Variants in NRXN1 observed in about 807,000 individuals in gnomAD.
NRXN1 encodes neurexin 1.
In NRXN1, 39 loss-of-function variants were observed where a neutral mutation model predicts 150.9. That is an observed-to-expected ratio of 0.26 (90% confidence interval 0.20 to 0.34). NRXN1 has a LOEUF of 0.34. Among genes scored for constraint, NRXN1 ranks in the 10% least tolerant of loss-of-function variants. The probability of loss-of-function intolerance (pLI) is 1.00; values close to 1 mark genes in which losing one functional copy is unlikely to be tolerated. For synonymous variants in NRXN1, 924 were observed against 757.0 expected, an observed-to-expected ratio of 1.22 and a Z score of -3.62; for missense variants, 1,815 against 1,949.9, an observed-to-expected ratio of 0.93 and a Z score of 1.30.
chr2:50,787,882 T>C (rs567741968), intron 5 of NRXN1, among the ~76,000 whole-genome samples: 1 of 152,082 alleles, frequency 6.6e-6, no homozygotes, highest in South Asian at 2.1e-4. Context: ...TTCTTCCATC[T>C]AAAAATGGAG....
intron 9 of NRXN1, among the ~76,000 whole-genome samples, chr2:50,551,046 AAGAG>A (rs1227184795): frequency 1.9e-4 from 24 of 124,614 alleles, no homozygotes; most frequent in African/African-American, 5.0e-4. Flanking sequence ...GAGGAAGAGG[AAGAG>A]GAAGAAGAAG....
intron 17 of NRXN1, among the ~76,000 whole-genome samples, chr2:50,429,016 T>C (rs1350531862): frequency 2.0e-5 from 3 of 152,176 alleles, no homozygotes; most frequent in Non-Finnish European, 4.4e-5. Context: ...TCTTTGACCA[T>C]TGTTTTTACT....
At chr2:50,096,667 A>G (rs934472925) in intron 18 of NRXN1, among the ~76,000 whole-genome samples, 3 of 152,218 alleles carry the variant, frequency 2.0e-5, no homozygotes, top group Non-Finnish European at 2.9e-5. Context: ...GTAACGAGGC[A>G]TTTATAATTT....
At position 50,624,256 on chromosome 2, in the gene NRXN1, T is replaced by C. The variant is rs528096164; in HGVS notation, c.833-641A>G. Among the ~76,000 whole-genome samples the C allele has an allele frequency of 2.0e-5, 3 of 152,224 alleles. No individual in the cohort carries two copies. In the East Asian group the frequency reaches 5.8e-4, roughly 29 times the overall value. On this transcript the variant is annotated intron_variant, in intron 5 of 22. Coordinates refer to ENST00000401669, the MANE Select transcript of NRXN1 (RefSeq NM_001330078.2). ...TCAACTATTGGGCCATCAACTGCAG[T>C]AGCTAAAGCTGACATTCTTGAAAAT...
chr2:50,488,527 G>A (rs1241910985), intron 15 of NRXN1, among the ~76,000 whole-genome samples: 1 of 152,210 alleles, frequency 6.6e-6, no homozygotes, highest in Non-Finnish European at 1.5e-5. Flanking sequence ...TAGAGACCAA[G>A]TGAGGCTGCA....
chr2:50,307,897 A>G (rs1262149930), intron 17 of NRXN1, among the ~76,000 whole-genome samples: 1 of 152,226 alleles, frequency 6.6e-6, no homozygotes, highest in African/African-American at 2.4e-5. Flanking sequence ...TACTTTGAAA[A>G]CCAAGAAGAA....
intron 22 of NRXN1, among the ~76,000 whole-genome samples, chr2:49,936,817 TACACACACAC>T (rs58323578): frequency 6.7e-6 from 1 of 148,498 alleles, no homozygotes; most frequent in Non-Finnish European, 1.5e-5. Flanking sequence ...AAAACATATG[TACACACACAC>T]ACACACACAC....
chr2:50,347,921 G>A lies in NRXN1; in HGVS notation c.3365-110951C>T. The A allele has an allele frequency of 1.2e-6, 1 of 809,260 alleles. No individual in the cohort carries two copies. The highest frequency in any genetic ancestry group is 1.9e-5 in the African/African-American group (1 of 53,736). The allele number at this position is 809,260 out of a possible 1,614,324, so 50.1% of individuals were successfully genotyped here. On this transcript the variant is annotated intron_variant, in intron 17 of 22. Coordinates refer to ENST00000401669, the MANE Select transcript of NRXN1 (RefSeq NM_001330078.2). The surrounding 1 kb of genome is among the most constrained non-coding windows in gnomAD (Gnocchi z 4.9). ...AATCGCCCTGCTTTGCCTCTCCCTTGCATTCTCCACGCATCAAAGGGACAC... is the reference window on the plus strand; with the variant it reads ...AATCGCCCTGCTTTGCCTCTCCCTTACATTCTCCACGCATCAAAGGGACAC...
intron 2 of NRXN1, among the ~76,000 whole-genome samples, chr2:50,945,893 TATATATAC>T (rs1256782066): frequency 7.0e-6 from 1 of 143,648 alleles, no homozygotes; most frequent in African/African-American, 2.6e-5. Context: ...TATATATATA[TATATATAC>T]ACACACACAC....
In NRXN1 at chr2:50,472,169, G is replaced by T. The variant is rs59507529; in HGVS notation, c.3244+129C>A. ...TTATGAGATAAAAAATTAAAAACTT[G>T]AATAAGGATGTCTAAGCCCAAATTG... is the stretch of plus-strand genomic sequence containing the variant. On this transcript the variant is annotated intron_variant, in intron 16 of 22. Coordinates refer to ENST00000401669, the MANE Select transcript of NRXN1 (RefSeq NM_001330078.2). 0.021 allele frequency: 14,331 copies of T among 670,738 alleles called. 234 individuals are homozygous for T. Among genetic ancestry groups the T allele is most frequent in the African/African-American group, 0.054 (2,931 of 53,950 alleles). 41.5% of individuals were successfully genotyped at this position (670,738 alleles called of 1,614,324 possible).
At chr2:50,467,387 GAAAA>G (rs146947625) in intron 16 of NRXN1, among the ~76,000 whole-genome samples, 3 of 151,256 alleles carry the variant, frequency 2.0e-5, no homozygotes, top group African/African-American at 7.3e-5. Flanking sequence ...TATAAAAATA[GAAAA>G]AAAGACAACA....
intron 17 of NRXN1, among the ~76,000 whole-genome samples, chr2:50,292,925 G>A (rs982689209): frequency 6.6e-6 from 1 of 152,076 alleles, no homozygotes; most frequent in Non-Finnish European, 1.5e-5. Context: ...TACATTGCCT[G>A]GAATAGATGG....
chr2:49,968,934 T>A (rs1677441806), intron 21 of NRXN1, among the ~76,000 whole-genome samples: 1 of 152,092 alleles, frequency 6.6e-6, no homozygotes. Flanking sequence ...TCTAGCAGTG[T>A]TCTGGCATAG....
rs138464642 is a variant in NRXN1 at position 50,068,519 on chromosome 2, T to C, written c.3719-13475A>G. Among the ~76,000 whole-genome samples the C allele has an allele frequency of 3.2e-3, 492 of 152,316 alleles. 4 individuals carry two copies. Among genetic ancestry groups the C allele is most frequent in the African/African-American group, 0.011 (470 of 41,572 alleles). On this transcript the variant is annotated intron_variant, in intron 19 of 22. Transcript: ENST00000401669. ...AAGATAATGAGCTCTAATTCCTAGG[T>C]TCAAATCTTGGCTTCAATATTGACT... is the stretch of plus-strand genomic sequence containing the variant.
chr2:50,885,818 T>C (rs890294489), intron 5 of NRXN1, among the ~76,000 whole-genome samples: 1 of 83,832 alleles, frequency 1.2e-5, no homozygotes, highest in African/African-American at 3.7e-5. Flanking sequence ...AATATTTCTA[T>C]AAACACACAC....
intron 17 of NRXN1, among the ~76,000 whole-genome samples, chr2:50,430,981 G>A (rs2084919810): frequency 6.6e-6 from 1 of 152,128 alleles, no homozygotes; most frequent in African/African-American, 2.4e-5. Context: ...TACTAGTTCT[G>A]TGAATGCATA....
intron 17 of NRXN1, among the ~76,000 whole-genome samples, chr2:50,454,646 T>G (rs2104559786): frequency 6.7e-6 from 1 of 148,630 alleles, no homozygotes; most frequent in Non-Finnish European, 1.5e-5. Flanking sequence ...TTAAAAGAGC[T>G]GTAGAAATGG....
chr2:50,163,164 G>GTACATATATATATATATA (rs1553695027), intron 18 of NRXN1, among the ~76,000 whole-genome samples: 1 of 141,754 alleles, frequency 7.1e-6, no homozygotes, highest in Non-Finnish European at 1.5e-5. Context: ...AATCCAAAAT[G>GTACATATATATATATATA]TATATATATA....
chr2:50,054,945 T>G lies in NRXN1; in HGVS notation c.3808+10A>C. On this transcript the variant is annotated intron_variant, in intron 20 of 22. Transcript: ENST00000401669. ...TTTTTTTATTTGAAGTTTTAATCAA[T>G]GTTTTTTACCTTTGTCGAGTAGCCA... The G allele has an allele frequency of 6.6e-7, 1 of 1,522,842 alleles. No individual in the cohort carries two copies. The highest frequency in any genetic ancestry group is 8.8e-7 in the Non-Finnish European group (1 of 1,130,510). The allele number at this position is 1,522,842 out of a possible 1,614,324, so 94.3% of individuals were successfully genotyped here. A position where few individuals can be genotyped will look rare whatever the true frequency, so the allele number is the denominator to read the frequency against.
Sources: allele counts gnomAD v4.1 joint callset (sites outside exome capture counted in the v4.1 genomes callset), GRCh38; gene constraint gnomAD v4.1.1; non-coding constraint Gnocchi (gnomAD v3.1); transcripts MANE v1.5; gene names NCBI Gene and HGNC (gene_info 2026-07-23, HGNC 2026-07-21).